Variants in NOL8 observed in about 807,000 individuals in gnomAD.
NOL8 encodes nucleolar protein Nop132.
In NOL8, 93 loss-of-function variants were observed where a neutral mutation model predicts 116.1. The ratio of observed to expected loss-of-function variants is 0.80; its 90% CI spans 0.68 to 0.95. The LOEUF is 0.95. Among genes scored for constraint, NOL8 ranks in the 40% least tolerant of loss-of-function variants. NOL8 has a pLI of 0.00. For missense variants in NOL8, 1,291 were observed against 1,382.8 expected (o/e 0.93, Z 1.05); for synonymous variants, 419 against 469.0 (o/e 0.89, Z 1.38).
At position 92,311,233 on chromosome 9, in the gene NOL8, C is replaced by G. The variant is rs1182533145; in HGVS notation, c.2385G>C (p.Thr795=). 1 of 1,613,782 alleles carries G rather than the reference C, an allele frequency of 6.2e-7. No individual in the cohort carries two copies. The change falls in exon 8 of 17, where the codon ACG becomes ACC. Residue 795 remains threonine (T), a synonymous_variant. Coordinates refer to ENST00000442668, the MANE Select transcript of NOL8 (RefSeq NM_017948.6). ...CACTGTCAGAACCGAAGATGATGTG[C>G]GTTGGCTTATCCTCTGGATGACCAT... ...NLDGHPEDKP[T]HIIFGSDSEC... is the part of the protein sequence containing the mutation.
intron 8 of NOL8, 179 bp from the exon 9 acceptor site, chr9:92,310,854 A>G (rs1838714133): frequency 1.6e-6 from 1 of 640,992 alleles, no homozygotes; most frequent in Admixed American, 3.3e-5. Flanking sequence ...CTCTGGGATC[A>G]CTAATCCAGA....
chr9:92,306,542 T>C (rs1437286214), intron 11 of NOL8, among the ~76,000 whole-genome samples: 1 of 152,198 alleles, frequency 6.6e-6, no homozygotes, highest in Non-Finnish European at 1.5e-5. Context: ...GTAATGATGG[T>C]ATACAGGGCT....
rs1838327898 is a variant in NOL8 at position 92,307,029 on chromosome 9, G to A, written c.2687-5C>T. 7.5e-6 allele frequency: 12 copies of A among 1,604,460 alleles called. No homozygotes were observed. Among genetic ancestry groups the A allele is most frequent in the Non-Finnish European group, 1.0e-5 (12 of 1,177,756 alleles). Reference sequence around the variant, plus strand: ...CAGTTTTCTTTTCATTTACCTCTTTGAGGAAAAGGGATAATTAATACTCTC... The same window carrying A: ...CAGTTTTCTTTTCATTTACCTCTTTAAGGAAAAGGGATAATTAATACTCTC... On this transcript the variant is annotated splice_polypyrimidine_tract_variant and splice_region_variant and intron_variant, in intron 10 of 16. Transcript: ENST00000442668.
intron 1 of NOL8, 49 bp from the exon 2 acceptor site, chr9:92,324,258 AAAC>A: frequency 7.7e-7 from 1 of 1,296,768 alleles, no homozygotes; most frequent in East Asian, 2.4e-5. Context: ...AAATCTAACA[AAAC>A]AACTACTTCC....
At chr9:92,320,020 T>C (rs1003052930) in intron 4 of NOL8, 2 of 454,842 alleles carry the variant, frequency 4.4e-6, no homozygotes, top group Non-Finnish European at 8.8e-6. Flanking sequence ...CTCTCAATTT[T>C]CCCCTTTCAA....
rs1840385678 is a variant in NOL8 at position 92,325,344 on chromosome 9, A to C, written c.-87T>G. ...TAAAGCCAGCGCCGCTGCAGCCCCT[A>C]ACTTCTGGTCACGTGTCCCAACGGA... On this transcript the variant is annotated 5_prime_UTR_variant, in exon 1 of 17. Transcript: ENST00000442668. 1 of 152,368 alleles carries C rather than the reference A, an allele frequency of 6.6e-6. No homozygotes were observed. The highest frequency in any genetic ancestry group is 1.5e-5 in the Non-Finnish European group (1 of 68,204). 9.4% of individuals were successfully genotyped at this position (152,368 alleles called of 1,614,324 possible).
chr9:92,318,632 G>T lies in NOL8; in HGVS notation c.472C>A (p.Gln158Lys). 6.2e-7 allele frequency: 1 copy of T among 1,600,846 alleles called. No individual in the cohort carries two copies. Among genetic ancestry groups the T allele is most frequent in the Non-Finnish European group, 8.5e-7 (1 of 1,175,372 alleles). The part of the protein sequence containing the change: ...RVLPVLHLKN[Q>K]HKRKIIKYDP... ...CCAAAGGATATTTTACGTTTATGTTGATTTTTAAGGTGAAGAACAGGTAAG... is the reference window on the plus strand; with the variant it reads ...CCAAAGGATATTTTACGTTTATGTTTATTTTTAAGGTGAAGAACAGGTAAG... Residue 158 changes from glutamine (Q) to lysine (K), a missense_variant, in exon 6 of 17, where the codon CAA (glutamine) becomes AAA (lysine). By Grantham distance (53) the Gln-to-Lys change is moderately conservative. Transcript: ENST00000442668.
Position 92,324,048 on chromosome 9 carries a change from C to G in NOL8, c.114G>C (p.Glu38Asp), listed in dbSNP as rs746082304. ...CTTGGTCATCTTTCCGTGTGATGAT[C>G]TCCACATCCGAAACTTCTCCAAATC... ...FSRFGEVSDV[E>D]IITRKDDQGN... Residue 38 changes from glutamate (E) to aspartate (D), a missense_variant, in exon 2 of 17, where the codon GAG becomes GAC. By Grantham distance (45) the Glu-to-Asp change is conservative. Coordinates refer to ENST00000442668, the MANE Select transcript of NOL8 (RefSeq NM_017948.6). 2 of 1,614,008 alleles carry G rather than the reference C, an allele frequency of 1.2e-6. No individual in the cohort carries two copies. Among genetic ancestry groups the G allele is most frequent in the Non-Finnish European group, 8.5e-7 (1 of 1,179,872 alleles).
At position 92,301,708 on chromosome 9, in the gene NOL8, A is replaced by G. The variant is rs758341945; in HGVS notation, c.3018T>C (p.Tyr1006=). 35 of 1,608,092 alleles carry G rather than the reference A, an allele frequency of 2.2e-5. No homozygotes were observed. In the Admixed American group the frequency reaches 5.5e-4, roughly 25 times the overall value. Residue 1006 remains tyrosine, a synonymous_variant, in exon 13 of 17, where the codon TAT becomes TAC. Coordinates refer to ENST00000442668, the MANE Select transcript of NOL8 (RefSeq NM_017948.6). ...GTGTGCCCTCTTCCTTTTCACTGGTATATTTTGTAGTTTGGAATATTTCTT... is the reference window on the plus strand; with the variant it reads ...GTGTGCCCTCTTCCTTTTCACTGGTGTATTTTGTAGTTTGGAATATTTCTT... ...DLKEIFQTTK[Y]TSEKEEGTPW...
chr9:92,310,905 C>T, intron 8 of NOL8: 1 of 576,308 alleles, frequency 1.7e-6, no homozygotes, highest in Non-Finnish European at 3.0e-6. Flanking sequence ...GTAGTTATTA[C>T]ATGCAAGAAC....
Position 92,311,151 on chromosome 9 carries a change from C to T in NOL8, c.2467G>A (p.Val823Met). The change falls in exon 8 of 17, where the codon GTG becomes ATG. Residue 823 changes from valine (V) to methionine (M), a missense_variant. Physicochemically the swap from Val to Met is conservative, Grantham distance 21 (BLOSUM62 1). Transcript: ENST00000442668. ...QEQSHPGEEW[V>M]KESMGKTSGK... is the part of the protein sequence containing the mutation. ...AGACATCCTGAACTTCTTACTTTCA[C>T]CCATTCCTCTCCTGGATGGCTCTGC... 6.2e-7 allele frequency: 1 copy of T among 1,610,882 alleles called. No individual in the cohort carries two copies.
In NOL8 at chr9:92,320,898, T is replaced by C. The variant is rs185740175; in HGVS notation, c.281+770A>G. 1.0e-3 allele frequency among the ~76,000 whole-genome samples: 153 copies of C among 152,326 alleles called. 3 individuals are homozygous for C. Among genetic ancestry groups the C allele is most frequent in the Admixed American group, 8.4e-3 (129 of 15,300 alleles). The stretch of plus-strand genomic sequence containing the variant: ...CTGGGATTACAGGCGTGAGCCACCG[T>C]GCCCGGCCTCTATCTGTATATTCTT... On this transcript the variant is annotated intron_variant, in intron 4 of 16. Coordinates refer to ENST00000442668, the MANE Select transcript of NOL8 (RefSeq NM_017948.6).
chr9:92,321,729 T>C lies in NOL8; in HGVS notation c.220A>G (p.Lys74Glu). The C allele has an allele frequency of 6.7e-7, 1 of 1,498,094 alleles. No individual in the cohort carries two copies. Among genetic ancestry groups the C allele is most frequent in the South Asian group, 1.3e-5 (1 of 77,586 alleles). The allele number at this position is 1,498,094 out of a possible 1,614,324, so 92.8% of individuals were successfully genotyped here. ...DLKKCMSVLN[K>E]TKWKGGTLQI... Reference sequence around the variant, plus strand: ...AATGTTCCACCTTTCCATTTTGTTTTATTTAAAACAGACATACCTATAAAG... The same window carrying C: ...AATGTTCCACCTTTCCATTTTGTTTCATTTAAAACAGACATACCTATAAAG... Residue 74 changes from lysine (K) to glutamate (E), a missense_variant, in exon 4 of 17, where the codon AAA becomes GAA. Transcript: ENST00000442668.
At chr9:92,310,451 C>T in intron 9 of NOL8, 102 bp downstream of exon 9, 2 of 1,351,314 alleles carry the variant, frequency 1.5e-6, no homozygotes, top group Non-Finnish European at 2.0e-6. Flanking sequence ...CACCCCGATG[C>T]TATAATGTAG....
intron 13 of NOL8, among the ~76,000 whole-genome samples, chr9:92,301,030 A>T (rs1050304276): frequency 6.6e-6 from 1 of 152,238 alleles, no homozygotes; most frequent in Non-Finnish European, 1.5e-5. Flanking sequence ...TTTAGAGGTA[A>T]GCCTCTTGAA....
chr9:92,320,021 C>T (rs1046077225), intron 4 of NOL8: 28 of 454,802 alleles, frequency 6.2e-5, no homozygotes, highest in Non-Finnish European at 1.0e-4. Context: ...TCTCAATTTT[C>T]CCCTTTCAAT....
At position 92,310,181 on chromosome 9, in the gene NOL8, C is replaced by T. The variant is rs749442459; in HGVS notation, c.2676G>A (p.Glu892=). ...CAATGAAGCATTTACCTTCCTGTTC[C>T]TCTTCACTGTCAGTTTCTAGAAATC... ...DSRFLETDSE[E]EQEEVNEKKT... Residue 892 remains glutamate (E), a synonymous_variant, in exon 10 of 17, where the codon GAG becomes GAA. Transcript: ENST00000442668. 1 of 1,605,470 alleles carries T rather than the reference C, an allele frequency of 6.2e-7. No homozygotes were observed. The highest frequency in any genetic ancestry group is 1.1e-5 in the South Asian group (1 of 89,110).
chr9:92,324,125 C>A lies in NOL8; in HGVS notation c.37G>T (p.Gly13Cys), dbSNP rs376222073. The A allele has an allele frequency of 1.4e-5, 23 of 1,613,860 alleles. No homozygotes were observed. Among genetic ancestry groups the A allele is most frequent in the Non-Finnish European group, 1.9e-5 (22 of 1,179,852 alleles). ...TCAGAAATGTCCTGGCTAAGGCCAC[C>A]CACATAAAGGCGCTTCGTTTCTCTG... ...VNRETKRLYV[G>C]GLSQDISEAD... is the part of the protein sequence containing the mutation. The change falls in exon 2 of 17, where the codon GGT becomes TGT. Residue 13 changes from glycine to cysteine, a missense_variant. By Grantham distance (159) the Gly-to-Cys change is radical (BLOSUM62 -3). Transcript: ENST00000442668.
At chr9:92,308,291 G>A (rs1838458341) in intron 10 of NOL8, among the ~76,000 whole-genome samples, 1 of 152,162 alleles carries the variant, frequency 6.6e-6, no homozygotes, top group African/African-American at 2.4e-5. Flanking sequence ...GAGAGACTGA[G>A]TTTGAGGTTA....
Sources: gnomAD v4.1 joint callset for allele counts (sites outside exome capture counted in the v4.1 genomes callset) on GRCh38, gnomAD v4.1.1 for gene constraint, MANE v1.5 for transcripts, NCBI Gene and HGNC (gene_info 2026-07-23, HGNC 2026-07-21) for gene names.